The following FNDC3A variants were observed in gnomAD, a reference collection of about 807,000 sequenced individuals.
The protein encoded by FNDC3A is fibronectin type III domain containing 3A, also known as fibronectin type-III domain-containing protein 3A.
Under a neutral mutation model 148.9 loss-of-function variants are expected in FNDC3A, and 32 were observed. The observed-to-expected ratio is 0.21, with a 90% CI of 0.16 to 0.29. FNDC3A has a LOEUF of 0.29. Among genes scored for constraint, FNDC3A ranks in the 10% least tolerant of loss-of-function variants. FNDC3A has a pLI of 1.00. For missense variants in FNDC3A, 1,191 were observed against 1,452.8 expected, an observed-to-expected ratio of 0.82 and a Z score of 2.93; for synonymous variants, 472 against 473.6, an observed-to-expected ratio of 1.00 and a Z score of 0.04.
rs539078982 is a variant in FNDC3A, at chr13:49,191,136, G to A, written c.2050+16G>A. ...TTACGATGGGGTAATTTCCATTTTG[G>A]TAATAAATTATAATTAAGCTAGAAC... On this transcript the variant is annotated intron_variant, in intron 18 of 25. Coordinates refer to ENST00000492622, the MANE Select transcript of FNDC3A (RefSeq NM_001079673.2). The A allele has an allele frequency of 1.3e-5, 21 of 1,604,516 alleles. No individual in the cohort carries two copies. In the South Asian group the frequency reaches 1.8e-4, roughly 14 times the overall value.
intron 8 of FNDC3A, among the ~76,000 whole-genome samples, chr13:49,158,106 G>T (rs374510663): frequency 6.6e-6 from 1 of 152,202 alleles, no homozygotes; most frequent in Non-Finnish European, 1.5e-5. Flanking sequence ...AATGGCGGGC[G>T]CCCCTCCCCC....
At chr13:48,986,015 T>TCCCA (rs1282863929) in intron 1 of FNDC3A, among the ~76,000 whole-genome samples, 1 of 152,188 alleles carries the variant, frequency 6.6e-6, no homozygotes, top group African/African-American at 2.4e-5. Flanking sequence ...TGCAGAAGCT[T>TCCCA]CCCAGTTGGT....
chr13:49,202,588 T>C (rs1263106504), intron 24 of FNDC3A, among the ~76,000 whole-genome samples: 1 of 152,240 alleles, frequency 6.6e-6, no homozygotes, highest in Non-Finnish European at 1.5e-5. Flanking sequence ...ATCATGTACT[T>C]AAACCTATCA....
chr13:49,059,550 G>T (rs1232698770), intron 2 of FNDC3A, among the ~76,000 whole-genome samples: 1 of 152,166 alleles, frequency 6.6e-6, no homozygotes, highest in East Asian at 1.9e-4. Flanking sequence ...CAGCCTCCTG[G>T]GTTCAAGTGA....
chr13:49,035,338 ATG>A (rs1874417911), intron 2 of FNDC3A, among the ~76,000 whole-genome samples: 3 of 152,034 alleles, frequency 2.0e-5, no homozygotes, highest in Admixed American at 6.5e-5. Context: ...ATATACATAT[ATG>A]CAGACATTGT....
At chr13:49,162,560 C>A (rs1430313484) in intron 8 of FNDC3A, among the ~76,000 whole-genome samples, 1 of 152,242 alleles carries the variant, frequency 6.6e-6, no homozygotes, top group African/African-American at 2.4e-5. Flanking sequence ...AAACATCTTC[C>A]TTTAGCTTGG....
In FNDC3A at chr13:49,201,914, C is replaced by G; in HGVS notation, c.3102C>G (p.Leu1034=). The change falls in exon 24 of 26, where the codon CTC becomes CTG. Residue 1034 remains leucine (L), a synonymous_variant. Coordinates refer to ENST00000492622, the MANE Select transcript of FNDC3A (RefSeq NM_001079673.2). ...QACNEAGEGP[L]SQEYIFTTPK... Reference sequence around the variant, plus strand: ...GTAATGAAGCTGGGGAAGGTCCCCTCTCCCAAGAATATATTTTCACTACTC... The same window carrying G: ...GTAATGAAGCTGGGGAAGGTCCCCTGTCCCAAGAATATATTTTCACTACTC... 1 of 1,592,594 alleles carries G rather than the reference C, an allele frequency of 6.3e-7. No homozygotes were observed. Among genetic ancestry groups the G allele is most frequent in the Non-Finnish European group, 8.6e-7 (1 of 1,169,176 alleles).
intron 2 of FNDC3A, among the ~76,000 whole-genome samples, chr13:49,035,049 AT>A (rs1223442107): frequency 4.6e-5 from 7 of 152,104 alleles, no homozygotes; most frequent in African/African-American, 1.7e-4. Flanking sequence ...ATTGATGCTG[AT>A]ATTCTAATTA....
chr13:49,163,882 C>T (rs1010378958), intron 8 of FNDC3A, among the ~76,000 whole-genome samples: 3 of 152,088 alleles, frequency 2.0e-5, no homozygotes, highest in African/African-American at 4.8e-5. Context: ...TTCTTTGTTT[C>T]ATTCTTTCTT....
intron 8 of FNDC3A, among the ~76,000 whole-genome samples, chr13:49,163,586 T>C (rs1391215144): frequency 6.6e-6 from 1 of 152,216 alleles, no homozygotes; most frequent in African/African-American, 2.4e-5. Context: ...CCTTGCACTT[T>C]GTGGGTGAGG....
intron 3 of FNDC3A, among the ~76,000 whole-genome samples, chr13:49,087,993 A>G (rs905728871): frequency 9.2e-5 from 14 of 152,120 alleles, no homozygotes; most frequent in Non-Finnish European, 7.4e-5. Context: ...TTAGAATGCT[A>G]TGATCAGATT....
intron 3 of FNDC3A, among the ~76,000 whole-genome samples, chr13:49,097,438 T>C (rs1566247743): frequency 6.6e-6 from 1 of 152,014 alleles, no homozygotes; most frequent in Non-Finnish European, 1.5e-5. Context: ...CCTGAGGGTA[T>C]GGGAAAAGGC....
chr13:49,202,643 A>C (rs1295297545), intron 24 of FNDC3A, among the ~76,000 whole-genome samples: 2 of 152,150 alleles, frequency 1.3e-5, no homozygotes, highest in Non-Finnish European at 1.5e-5. Flanking sequence ...TTCTAATAAT[A>C]TTGAGTTTCA....
intron 3 of FNDC3A, among the ~76,000 whole-genome samples, chr13:49,077,769 C>T (rs1878215196): frequency 1.3e-5 from 2 of 152,172 alleles, no homozygotes; most frequent in South Asian, 4.1e-4. Flanking sequence ...ACATTCTGCA[C>T]ATGTATCCCA....
intron 20 of FNDC3A, among the ~76,000 whole-genome samples, chr13:49,197,506 A>G (rs1886211602): frequency 6.6e-6 from 1 of 150,928 alleles, no homozygotes. Flanking sequence ...TCATATTTCT[A>G]CTTCTAATTC....
At position 49,187,690 on chromosome 13, in the gene FNDC3A, C is replaced by G; in HGVS notation, c.1825+500C>G. The G allele has an allele frequency of 1.9e-6, 3 of 1,542,026 alleles. 1 individual carries two copies. The South Asian group carries it at 3.4e-5, about 17-fold the overall frequency. ...CAACGTAGCGCTGCTGGAAGCTCTG[C>G]GAAAGGCACAGAAACCGAGGACGGA... On this transcript the variant is annotated intron_variant, in intron 16 of 25. Coordinates refer to ENST00000492622, the MANE Select transcript of FNDC3A (RefSeq NM_001079673.2).
intron 2 of FNDC3A, among the ~76,000 whole-genome samples, chr13:49,038,782 T>A (rs1229666650): frequency 6.6e-6 from 1 of 152,238 alleles, no homozygotes; most frequent in Non-Finnish European, 1.5e-5. Context: ...TTGTGAAGAA[T>A]GCAAGTCATG....
At chr13:49,120,210 T>G (rs1881241964) in intron 4 of FNDC3A, among the ~76,000 whole-genome samples, 2 of 152,206 alleles carry the variant, frequency 1.3e-5, no homozygotes, top group South Asian at 4.1e-4. Flanking sequence ...GAAAGAATTT[T>G]CAACCCAGAA....
chr13:49,000,934 C>T (rs1952112428), intron 1 of FNDC3A, among the ~76,000 whole-genome samples: 1 of 151,484 alleles, frequency 6.6e-6, no homozygotes, highest in Admixed American at 6.6e-5. Context: ...TTGCTGAATT[C>T]ACTTATTAGT....
Sources: gnomAD v4.1 joint callset for allele counts (sites outside exome capture counted in the v4.1 genomes callset) on GRCh38, gnomAD v4.1.1 for gene constraint, MANE v1.5 for transcripts, NCBI Gene and HGNC (gene_info 2026-07-23, HGNC 2026-07-21) for gene names.